YAF2: variants seen among roughly 807,000 people sequenced by gnomAD.
YAF2 encodes the protein YY1 associated factor 2, also known as YY1-associated factor 2.
YAF2 carries 7 observed loss-of-function variants against 20.1 expected under a neutral mutation model. The observed-to-expected ratio is 0.35, with a 90% confidence interval of 0.20 to 0.65. The LOEUF is 0.65. YAF2 is among the 30% of genes least tolerant of loss of function. The probability of loss-of-function intolerance (pLI) is 0.69; values close to 1 mark genes in which losing one functional copy is unlikely to be tolerated. For missense variants in YAF2, 151 were observed against 219.2 expected (o/e 0.69, Z 1.96); for synonymous variants, 74 against 76.0 (o/e 0.97, Z 0.14).
chr12:42,209,257 G>GA (rs765669026), intron 2 of YAF2, among the ~76,000 whole-genome samples: 4,765 of 137,584 alleles, frequency 0.035, 224 homozygotes, highest in African/African-American at 0.12. Context: ...GAAGTGCTAG[G>GA]AAAAAAAAAA....
intron 2 of YAF2, among the ~76,000 whole-genome samples, chr12:42,229,663 T>C (rs1016015053): frequency 6.6e-6 from 1 of 152,246 alleles, no homozygotes; most frequent in African/African-American, 2.4e-5. Flanking sequence ...CATCATAGAA[T>C]GTATTTATAC....
intron 3 of YAF2, 158 bp downstream of exon 3, chr12:42,161,455 C>T: frequency 1.4e-6 from 1 of 728,960 alleles, no homozygotes. Context: ...GTTTAATTTC[C>T]TATGTATCTT....
chr12:42,200,124 C>T (rs1014714592), intron 2 of YAF2, among the ~76,000 whole-genome samples: 10 of 152,144 alleles, frequency 6.6e-5, no homozygotes, highest in African/African-American at 2.4e-4. Flanking sequence ...AGTGAAGAAG[C>T]TATAACATCT....
chr12:42,190,902 T>G (rs2066595842), intron 2 of YAF2, among the ~76,000 whole-genome samples: 1 of 152,084 alleles, frequency 6.6e-6, no homozygotes, highest in Non-Finnish European at 1.5e-5. Context: ...ATTTCTACTT[T>G]TTAGTTTTTT....
intron 2 of YAF2, chr12:42,210,452 G>A (rs1265625024): frequency 6.5e-7 from 1 of 1,534,910 alleles, no homozygotes; most frequent in Non-Finnish European, 8.7e-7. Flanking sequence ...GCATCCACTG[G>A]AACTGAGGGG....
intron 2 of YAF2, among the ~76,000 whole-genome samples, chr12:42,199,841 G>A (rs1191206663): frequency 1.3e-5 from 2 of 151,876 alleles, no homozygotes; most frequent in African/African-American, 2.4e-5. Context: ...ATAGATTTTT[G>A]GGACCCAACA....
chr12:42,229,549 A>G lies in YAF2; in HGVS notation c.152+8050T>C, dbSNP rs116164869. Among the ~76,000 whole-genome samples the G allele has an allele frequency of 8.6e-3, 1,308 of 152,368 alleles. 18 individuals are homozygous for G. The highest frequency in any genetic ancestry group is 0.03 in the African/African-American group (1,257 of 41,580). On this transcript the variant is annotated intron_variant, in intron 2 of 3. Transcript: ENST00000534854. ...TAAGTGTCTAGACAATTATACTACA[A>G]TATATTTATTCTCCAGGAATAATTA...
At chr12:42,188,963 T>G (rs2066543153) in intron 2 of YAF2, among the ~76,000 whole-genome samples, 1 of 152,152 alleles carries the variant, frequency 6.6e-6, no homozygotes, top group Non-Finnish European at 1.5e-5. Flanking sequence ...CAAGCATTTG[T>G]TCAATAAATA....
chr12:42,206,772 A>C (rs1187240314), intron 2 of YAF2, among the ~76,000 whole-genome samples: 1 of 152,070 alleles, frequency 6.6e-6, no homozygotes, highest in Non-Finnish European at 1.5e-5. Flanking sequence ...CACTGTGCCT[A>C]CCTGCTTCAA....
At chr12:42,206,196 C>T (rs979648895) in intron 2 of YAF2, among the ~76,000 whole-genome samples, 1 of 149,308 alleles carries the variant, frequency 6.7e-6, no homozygotes, top group African/African-American at 2.5e-5. Context: ...TATTTTATTA[C>T]AAGCTATATT....
Position 42,158,750 on chromosome 12 carries a change from T to G in YAF2, c.*1839A>C, listed in dbSNP as rs1428062628. On this transcript the variant is annotated 3_prime_UTR_variant, in exon 4 of 4. Coordinates refer to ENST00000534854, the MANE Select transcript of YAF2 (RefSeq NM_005748.6). ...GTAAAATCCCATCTCCTGTCAGATT[T>G]TTCTCTCTTGCAGCTCATTTAAAAT... is the stretch of plus-strand genomic sequence containing the variant. 1 of 152,214 alleles carries G rather than the reference T, an allele frequency of 6.6e-6. No individual in the cohort carries two copies. The highest frequency in any genetic ancestry group is 1.5e-5 in the Non-Finnish European group (1 of 68,026). 9.4% of individuals were successfully genotyped at this position (152,214 alleles called of 1,614,324 possible). A position where few individuals can be genotyped will look rare whatever the true frequency, so the allele number is the denominator to read the frequency against.
At position 42,160,445 on chromosome 12, in the gene YAF2, T is replaced by G; in HGVS notation, c.*144A>C. 1 of 671,866 alleles carries G rather than the reference T, an allele frequency of 1.5e-6. No homozygotes were observed. Among genetic ancestry groups the G allele is most frequent in the Non-Finnish European group, 2.5e-6 (1 of 405,106 alleles). The allele number at this position is 671,866 out of a possible 1,614,324, so 41.6% of individuals were successfully genotyped here. A position where few individuals can be genotyped will look rare whatever the true frequency, so the allele number is the denominator to read the frequency against. On this transcript the variant is annotated 3_prime_UTR_variant, in exon 4 of 4. Coordinates refer to ENST00000534854, the MANE Select transcript of YAF2 (RefSeq NM_005748.6). ...CATCATTGCAATAAAATCTAACAAA[T>G]TCTAACAAATTTCTATTTTATGTAA...
chr12:42,231,795 C>A (rs2067992203), intron 2 of YAF2: 1 of 152,184 alleles, frequency 6.6e-6, no homozygotes, highest in African/African-American at 2.4e-5. Context: ...ATTGTTGCTA[C>A]AAATTTTCAA....
intron 2 of YAF2, chr12:42,210,473 C>T (rs1474008062): frequency 1.3e-6 from 2 of 1,535,710 alleles, no homozygotes; most frequent in Admixed American, 3.9e-5. Flanking sequence ...GCATGCAGTA[C>T]AGACGTATAT....
intron 2 of YAF2, among the ~76,000 whole-genome samples, chr12:42,230,834 G>T (rs918443867): frequency 3.3e-5 from 5 of 152,186 alleles, no homozygotes; most frequent in Non-Finnish European, 7.3e-5. Flanking sequence ...TATGAAAAAG[G>T]AGTCTTAGAG....
At position 42,160,359 on chromosome 12, in the gene YAF2, C is replaced by T. The variant is rs573186926; in HGVS notation, c.*230G>A. The T allele has an allele frequency of 2.1e-4, 98 of 477,696 alleles. No homozygotes were observed. The highest frequency in any genetic ancestry group is 1.8e-3 in the African/African-American group (91 of 51,206). The allele number at this position is 477,696 out of a possible 1,614,324, so 29.6% of individuals were successfully genotyped here. On this transcript the variant is annotated 3_prime_UTR_variant, in exon 4 of 4. Transcript: ENST00000534854. ...AACACTGCATAATGAATAATTCAAC[C>T]ACATTTTCATGGCACTTAACTGCAG...
chr12:42,205,668 C>T (rs1370984249), intron 2 of YAF2, among the ~76,000 whole-genome samples: 2 of 152,144 alleles, frequency 1.3e-5, no homozygotes, highest in African/African-American at 2.4e-5. Context: ...CCACCGTGCC[C>T]GGTCATTGCT....
At chr12:42,215,034 A>G (rs541046382) in intron 2 of YAF2, among the ~76,000 whole-genome samples, 1 of 152,142 alleles carries the variant, frequency 6.6e-6, no homozygotes, top group Admixed American at 6.5e-5. Context: ...AAATAAATGA[A>G]TTCCATGAGA....
intron 2 of YAF2, among the ~76,000 whole-genome samples, chr12:42,212,749 T>C (rs1405190558): frequency 6.6e-6 from 1 of 152,238 alleles, no homozygotes; most frequent in African/African-American, 2.4e-5. Context: ...CTTACTTAAA[T>C]TTAAGATACA....
Sources: gnomAD v4.1 joint callset for allele counts (sites outside exome capture counted in the v4.1 genomes callset) on GRCh38, gnomAD v4.1.1 for gene constraint, MANE v1.5 for transcripts, NCBI Gene and HGNC (gene_info 2026-07-23, HGNC 2026-07-21) for gene names.